FRK: variants seen among roughly 807,000 people sequenced by gnomAD.
FRK encodes the protein tyrosine-protein kinase FRK.
FRK carries 51 observed loss-of-function variants against 56.4 expected under a neutral mutation model. That is an observed-to-expected ratio of 0.90 (90% CI 0.72 to 1.14). The LOEUF is 1.14. FRK is among the 50% of genes most tolerant of loss of function. The probability of loss-of-function intolerance (pLI) is 0.00; values close to 1 mark genes in which losing one functional copy is unlikely to be tolerated. For synonymous variants in FRK, 245 were observed against 217.9 expected (o/e 1.12, Z -1.10); for missense variants, 570 against 601.4 (o/e 0.95, Z 0.55).
chr6:116,018,208 C>A (rs1167057071), intron 1 of FRK, among the ~76,000 whole-genome samples: 1 of 152,186 alleles, frequency 6.6e-6, no homozygotes. Flanking sequence ...TGATTTCCTA[C>A]CCAACCCTTA....
At chr6:116,002,741 A>G (rs1395335038) in intron 2 of FRK, 1 of 455,562 alleles carries the variant, frequency 2.2e-6, no homozygotes, top group Admixed American at 2.4e-5. Flanking sequence ...CTGGAGTACC[A>G]CATTGTCTCA....
chr6:116,091,862 C>T, the FRK span, among the ~76,000 whole-genome samples: 1 of 152,120 alleles, frequency 6.6e-6, no homozygotes, highest in Admixed American at 6.5e-5. Context: ...GAGAGGAAAG[C>T]CATTCAGCTC....
chr6:116,048,094 G>T (rs1038560449), intron 1 of FRK, among the ~76,000 whole-genome samples: 3 of 152,168 alleles, frequency 2.0e-5, no homozygotes, highest in Non-Finnish European at 4.4e-5. Context: ...TCCTTGTGAA[G>T]TTTAAAATAT....
intron 1 of FRK, among the ~76,000 whole-genome samples, chr6:116,058,263 T>C (rs116407660): frequency 6.6e-6 from 1 of 152,352 alleles, no homozygotes; most frequent in African/African-American, 2.4e-5. Flanking sequence ...AGATATTTCC[T>C]GTAGATTATC....
intron 5 of FRK, among the ~76,000 whole-genome samples, chr6:115,952,738 A>G (rs567217485): frequency 6.6e-6 from 1 of 152,026 alleles, no homozygotes; most frequent in African/African-American, 2.4e-5. Context: ...AATACTATGC[A>G]GCCATAAAAA....
chr6:115,979,529 GA>G (rs2114632486), intron 2 of FRK, among the ~76,000 whole-genome samples: 1 of 152,028 alleles, frequency 6.6e-6, no homozygotes, highest in Non-Finnish European at 1.5e-5. Context: ...ATTGAAAAAA[GA>G]AAAATATTTT....
the FRK span, among the ~76,000 whole-genome samples, chr6:116,099,499 C>A: frequency 1.3e-5 from 2 of 152,174 alleles, no homozygotes; most frequent in Admixed American, 1.3e-4. Flanking sequence ...AACAATCCAG[C>A]CTTTTCTCTT....
At chr6:115,945,977 G>A (rs1427901358) in intron 5 of FRK, among the ~76,000 whole-genome samples, 1 of 151,972 alleles carries the variant, frequency 6.6e-6, no homozygotes, top group Non-Finnish European at 1.5e-5. Flanking sequence ...TTTTATATTT[G>A]TACACAAAAT....
At chr6:115,942,711 G>C (rs769973525) in intron 7 of FRK, 86 bp from the exon 8 acceptor site, 306 of 1,144,506 alleles carry the variant, frequency 2.7e-4, no homozygotes, top group Non-Finnish European at 3.6e-4. Context: ...TATACTCTAG[G>C]TTACTAAGTA....
At chr6:116,041,260 C>G (rs1776699134) in intron 1 of FRK, among the ~76,000 whole-genome samples, 1 of 152,084 alleles carries the variant, frequency 6.6e-6, no homozygotes, top group Non-Finnish European at 1.5e-5. Flanking sequence ...TTGTTTTTAT[C>G]TGAAATGTCA....
At chr6:116,093,119 T>C in the FRK span, among the ~76,000 whole-genome samples, 3 of 152,144 alleles carry the variant, frequency 2.0e-5, no homozygotes, top group Non-Finnish European at 4.4e-5. Flanking sequence ...AAGCTTGCAA[T>C]TTACATCCCA....
the FRK span, among the ~76,000 whole-genome samples, chr6:116,092,764 G>A: frequency 1.4e-4 from 21 of 152,294 alleles, no homozygotes; most frequent in East Asian, 2.5e-3. Context: ...GGACCGTTGC[G>A]AGTTCTTGGG....
At chr6:116,057,728 T>G (rs1041881421) in intron 1 of FRK, among the ~76,000 whole-genome samples, 1 of 152,004 alleles carries the variant, frequency 6.6e-6, no homozygotes, top group Non-Finnish European at 1.5e-5. Context: ...AGAAGAAAGG[T>G]CAAGGTAATG....
At chr6:115,976,353 G>T (rs76273324) in intron 2 of FRK, among the ~76,000 whole-genome samples, 8,787 of 152,076 alleles carry the variant, frequency 0.058, 405 homozygotes, top group African/African-American at 0.13. Context: ...TGAAATTCAG[G>T]ATATTCCAAA....
At chr6:115,959,868 C>T (rs934203300) in intron 4 of FRK, among the ~76,000 whole-genome samples, 3 of 152,100 alleles carry the variant, frequency 2.0e-5, no homozygotes, top group African/African-American at 4.8e-5. Context: ...TCGAATTTGA[C>T]ACTATTCACT....
At chr6:116,005,835 C>G (rs939212772) in intron 1 of FRK, among the ~76,000 whole-genome samples, 1 of 152,088 alleles carries the variant, frequency 6.6e-6, no homozygotes, top group Non-Finnish European at 1.5e-5. Context: ...ACACTGTTAT[C>G]ATTAATAATC....
At chr6:116,094,972 C>T in the FRK span, among the ~76,000 whole-genome samples, 4 of 152,210 alleles carry the variant, frequency 2.6e-5, no homozygotes, top group African/African-American at 4.8e-5. Context: ...AATTTAAAAC[C>T]TATAATTGAT....
intron 2 of FRK, among the ~76,000 whole-genome samples, chr6:116,000,410 T>C (rs1309403129): frequency 6.6e-6 from 1 of 151,800 alleles, no homozygotes; most frequent in Non-Finnish European, 1.5e-5. Flanking sequence ...GCCCCATTAA[T>C]TTTTATATTT....
intron 1 of FRK, among the ~76,000 whole-genome samples, chr6:116,007,246 C>T (rs766856039): frequency 2.0e-5 from 3 of 152,192 alleles, no homozygotes; most frequent in Non-Finnish European, 1.5e-5. Flanking sequence ...AAGGCATGAA[C>T]ACTCTCCAGT....
Sources: allele counts gnomAD v4.1 joint callset (sites outside exome capture counted in the v4.1 genomes callset), GRCh38; gene constraint gnomAD v4.1.1; transcripts MANE v1.5; gene names NCBI Gene and HGNC (gene_info 2026-07-23, HGNC 2026-07-21).